The following TXNL4A variants were observed in gnomAD, a reference collection of about 807,000 sequenced individuals.
TXNL4A encodes thioredoxin like 4A.
A neutral mutation model predicts 14.6 loss-of-function variants in TXNL4A; 17 were observed. That is an observed-to-expected ratio of 1.16 (90% CI 0.80 to 1.74). The LOEUF (loss-of-function observed/expected upper bound fraction) is 1.74, where lower values mean the gene tolerates loss of function less well. Among genes scored for constraint, TXNL4A ranks in the 40% most tolerant of loss-of-function variants. TXNL4A has a pLI of 0.00. For synonymous variants in TXNL4A, 83 were observed against 70.6 expected (o/e 1.18, Z -0.88); for missense variants, 74 against 195.2 (o/e 0.38, Z 3.70).
chr18:80,028,712 T>C (rs1257240317), intron 1 of TXNL4A, among the ~76,000 whole-genome samples: 2 of 152,194 alleles, frequency 1.3e-5, no homozygotes, highest in East Asian at 3.9e-4. Flanking sequence ...TGACCCGTGG[T>C]TGTCAATTGG....
chr18:80,011,774 C>A lies in TXNL4A; in HGVS notation c.-61+22077G>T, dbSNP rs1476208933. ...TTTTCCGTCCCTATAAGTTAAAGAT[C>A]TTTTTTTTTTAAGAACTATATATAT... On this transcript the variant is annotated intron_variant, in intron 1 of 2. Coordinates refer to the TXNL4A transcript ENST00000585474. The surrounding 1 kb of genome is among the most constrained non-coding windows in gnomAD (Gnocchi z 4.1). Among the ~76,000 whole-genome samples the A allele has an allele frequency of 6.7e-6, 1 of 149,148 alleles. No homozygotes were observed. Among genetic ancestry groups the A allele is most frequent in the Non-Finnish European group, 1.5e-5 (1 of 67,142 alleles).
chr18:80,029,186 A>C (rs73483537), intron 1 of TXNL4A, among the ~76,000 whole-genome samples: 5,247 of 152,268 alleles, frequency 0.034, 321 homozygotes, highest in African/African-American at 0.12. Context: ...CTTATGGAAT[A>C]TGTCCATAAT....
At chr18:80,033,834 G>A (rs890824957) in intron 1 of TXNL4A, 1 of 5,802 alleles carries the variant, frequency 1.7e-4, no homozygotes, top group African/African-American at 7.5e-4. Context: ...CGCCCCCCCC[G>A]CCCGCACACT....
intron 1 of TXNL4A, among the ~76,000 whole-genome samples, chr18:80,013,344 G>A (rs1047533226): frequency 6.6e-6 from 1 of 151,726 alleles, no homozygotes; most frequent in African/African-American, 2.4e-5. Flanking sequence ...GGATGCTCTC[G>A]ATCTCCTACC....
At chr18:80,017,430 T>G (rs1349813591) in intron 1 of TXNL4A, among the ~76,000 whole-genome samples, 1 of 151,748 alleles carries the variant, frequency 6.6e-6, no homozygotes, top group Non-Finnish European at 1.5e-5. Flanking sequence ...AGGGCATCCC[T>G]GTCTTGTGCC....
intron 1 of TXNL4A, among the ~76,000 whole-genome samples, chr18:80,025,244 G>A (rs1161138332): frequency 6.6e-6 from 1 of 152,196 alleles, no homozygotes; most frequent in Admixed American, 6.5e-5. Context: ...CCCTATAGGA[G>A]GCAAACCAGC....
chr18:79,991,825 T>C (rs56106331), upstream of TXNL4A, among the ~76,000 whole-genome samples: 916 of 152,350 alleles, frequency 6.0e-3, 4 homozygotes, highest in Middle Eastern at 0.02. Flanking sequence ...TTAGAAAGTT[T>C]ATTTTTCCAA....
rs2051295657 is a variant in TXNL4A, at chr18:79,971,036, C to G, written c.*2649G>C. ...GCTGTCACCTCCTATTTCCCCCTCC[C>G]TCCCAGTCTTAAGCAACCACTAATC... On this transcript the variant is annotated 3_prime_UTR_variant, in exon 3 of 3. Transcript: ENST00000269601. 1.3e-5 allele frequency: 2 copies of G among 154,434 alleles called. No homozygotes were observed. Among genetic ancestry groups the G allele is most frequent in the Non-Finnish European group, 2.9e-5 (2 of 69,362 alleles). 9.6% of individuals were successfully genotyped at this position (154,434 alleles called of 1,614,324 possible).
chr18:79,977,295 A>AT (rs1242362760), intron 2 of TXNL4A: 1 of 459,642 alleles, frequency 2.2e-6, no homozygotes, highest in East Asian at 3.7e-5. Flanking sequence ...TGATGAACAG[A>AT]TTATAGTTCC....
At chr18:79,989,912 C>T (rs111756716), upstream of TXNL4A, among the ~76,000 whole-genome samples, 6,641 of 152,276 alleles carry the variant, frequency 0.044, 484 homozygotes, top group African/African-American at 0.15. Flanking sequence ...AGGAGAATCG[C>T]TTGAACCCAG....
chr18:79,996,571 T>C (rs1568373239), intron 1 of TXNL4A, among the ~76,000 whole-genome samples: 1 of 152,214 alleles, frequency 6.6e-6, no homozygotes, highest in Non-Finnish European at 1.5e-5. Context: ...TCAACATCCA[T>C]AATGCTCATA....
chr18:79,978,820 T>A (rs2051419309), intron 1 of TXNL4A, among the ~76,000 whole-genome samples: 1 of 151,066 alleles, frequency 6.6e-6, no homozygotes, highest in Admixed American at 6.6e-5. Flanking sequence ...CTTTCCCCTT[T>A]CTTATAGATA....
At chr18:79,996,115 A>AAC (rs1555720001) in intron 1 of TXNL4A, among the ~76,000 whole-genome samples, 7 of 150,664 alleles carry the variant, frequency 4.6e-5, no homozygotes, top group Non-Finnish European at 8.9e-5. Flanking sequence ...AAAAAAAAAA[A>AAC]AAAAAAAAAA....
chr18:80,007,199 G>C (rs192397759), intron 1 of TXNL4A, among the ~76,000 whole-genome samples: 3 of 152,082 alleles, frequency 2.0e-5, no homozygotes, highest in Admixed American at 6.6e-5. Context: ...GCAGCAGGAC[G>C]AGCCACAGAC....
chr18:80,024,362 C>T (rs1326651790), intron 1 of TXNL4A, among the ~76,000 whole-genome samples: 1 of 152,302 alleles, frequency 6.6e-6, no homozygotes, highest in African/African-American at 2.4e-5. Context: ...AAAATTAGCA[C>T]TAACAACCAG....
At chr18:79,975,142 A>G (rs1263108760) in intron 2 of TXNL4A, among the ~76,000 whole-genome samples, 2 of 152,054 alleles carry the variant, frequency 1.3e-5, no homozygotes, top group African/African-American at 2.4e-5. Flanking sequence ...ACCTGGGTGT[A>G]CTTCTTCGGT....
Position 79,997,961 on chromosome 18 carries a change from G to A in TXNL4A, c.-60-20260C>T, listed in dbSNP as rs1040768321. Among the ~76,000 whole-genome samples, 18 of 152,186 alleles carry A rather than the reference G, an allele frequency of 1.2e-4. No individual in the cohort carries two copies. In the South Asian group the frequency reaches 1.2e-3, roughly 11 times the overall value. On this transcript the variant is annotated intron_variant, in intron 1 of 2. Transcript: ENST00000585474. ...TCCCAATGCCTGTTACTAATAAACA[G>A]CTTAGAGGATTTTGGGTCCTGGCTG... is the stretch of plus-strand genomic sequence containing the variant.
chr18:79,984,305 T>C (rs1053334607), intron 1 of TXNL4A, among the ~76,000 whole-genome samples: 2 of 152,172 alleles, frequency 1.3e-5, no homozygotes, highest in Non-Finnish European at 2.9e-5. Flanking sequence ...TAGAATGTAC[T>C]ATCATGGGCC....
rs754034313 is a variant in TXNL4A, at chr18:79,977,529, A to G, written c.257+69T>C. ...TCCTTCAAAATAAAATAATCTAAAGAGATCTTGATTACATTAAGCTTCCAA... is the reference window on the plus strand; with the variant it reads ...TCCTTCAAAATAAAATAATCTAAAGGGATCTTGATTACATTAAGCTTCCAA... On this transcript the variant is annotated intron_variant, in intron 2 of 2. Transcript: ENST00000269601. 6.2e-6 allele frequency: 8 copies of G among 1,283,604 alleles called. 1 individual carries two copies. In the Middle Eastern group the frequency reaches 1.3e-3, roughly 211 times the overall value. The allele number at this position is 1,283,604 out of a possible 1,614,324, so 79.5% of individuals were successfully genotyped here.
Sources: allele counts gnomAD v4.1 joint callset (sites outside exome capture counted in the v4.1 genomes callset), GRCh38; gene constraint gnomAD v4.1.1; non-coding constraint Gnocchi (gnomAD v3.1); transcripts MANE v1.5; gene names NCBI Gene and HGNC (gene_info 2026-07-23, HGNC 2026-07-21).